EXOC6B: variants seen among roughly 807,000 people sequenced by gnomAD.
EXOC6B encodes SEC15 homolog B.
EXOC6B carries 54 observed loss-of-function variants against 113.5 expected under a neutral mutation model. That is an observed-to-expected ratio of 0.48 (90% CI 0.38 to 0.60). The LOEUF is 0.60. EXOC6B is among the 20% of genes least tolerant of loss of function. The pLI, the probability that EXOC6B is intolerant of heterozygous loss-of-function variation, is 0.00. For synonymous variants in EXOC6B, 357 were observed against 339.0 expected (o/e 1.05, Z -0.58); for missense variants, 797 against 977.5 (o/e 0.82, Z 2.46).
At chr2:72,687,897 G>A (rs1454986489) in intron 6 of EXOC6B, among the ~76,000 whole-genome samples, 1 of 152,174 alleles carries the variant, frequency 6.6e-6, no homozygotes, top group East Asian at 1.9e-4. Flanking sequence ...CTTACATAGT[G>A]CATGCTGATA....
intron 18 of EXOC6B, among the ~76,000 whole-genome samples, chr2:72,458,977 G>A (rs933056140): frequency 1.3e-5 from 2 of 151,980 alleles, no homozygotes; most frequent in Non-Finnish European, 2.9e-5. Flanking sequence ...CATACCCCCA[G>A]CATTATAAAA....
chr2:72,799,121 T>C, intron 1 of EXOC6B, among the ~76,000 whole-genome samples: 1 of 150,516 alleles, frequency 6.6e-6, no homozygotes, highest in East Asian at 2.0e-4. Context: ...GCTCCTGTTG[T>C]CCCAGCTACT....
intron 8 of EXOC6B, among the ~76,000 whole-genome samples, chr2:72,525,277 C>A (rs1701700612): frequency 6.6e-6 from 1 of 152,138 alleles, no homozygotes; most frequent in Admixed American, 6.5e-5. Flanking sequence ...AACAAAGAGT[C>A]TTTTATTATC....
At chr2:72,380,623 G>A (rs1171696924) in intron 18 of EXOC6B, among the ~76,000 whole-genome samples, 1 of 151,854 alleles carries the variant, frequency 6.6e-6, no homozygotes, top group East Asian at 1.9e-4. Context: ...GACAGAGAGA[G>A]ACTCCGCCTC....
chr2:72,797,393 G>A (rs773609502), intron 1 of EXOC6B, among the ~76,000 whole-genome samples: 28 of 152,094 alleles, frequency 1.8e-4, no homozygotes, highest in Non-Finnish European at 3.5e-4. Flanking sequence ...TGGGAAAAGA[G>A]ATAATAAAAA....
intron 8 of EXOC6B, among the ~76,000 whole-genome samples, chr2:72,535,348 G>A (rs1702223625): frequency 6.6e-6 from 1 of 152,092 alleles, no homozygotes; most frequent in African/African-American, 2.4e-5. Context: ...TGTTGTTGTT[G>A]TTTTTGTTGT....
intron 20 of EXOC6B, among the ~76,000 whole-genome samples, chr2:72,208,136 G>A (rs1485773578): frequency 2.0e-5 from 3 of 152,022 alleles, no homozygotes; most frequent in South Asian, 4.2e-4. Context: ...GATTTGTTAC[G>A]TGGGTATATT....
At chr2:72,293,873 TA>T (rs1685961436) in intron 20 of EXOC6B, among the ~76,000 whole-genome samples, 1 of 151,792 alleles carries the variant, frequency 6.6e-6, no homozygotes, top group East Asian at 1.9e-4. Flanking sequence ...TTATGATGAG[TA>T]ATCAGGAAAA....
intron 6 of EXOC6B, among the ~76,000 whole-genome samples, chr2:72,692,246 G>A (rs1438506651): frequency 6.6e-6 from 1 of 151,128 alleles, no homozygotes; most frequent in Non-Finnish European, 1.5e-5. Context: ...TTACTGATAT[G>A]ATTACTATAT....
intron 20 of EXOC6B, among the ~76,000 whole-genome samples, chr2:72,303,752 A>C (rs1297829379): frequency 2.0e-5 from 3 of 152,198 alleles, no homozygotes; most frequent in Non-Finnish European, 1.5e-5. Context: ...GAAGGACATA[A>C]GACATTCTGG....
At chr2:72,362,277 T>C (rs984526589) in intron 19 of EXOC6B, among the ~76,000 whole-genome samples, 1 of 152,194 alleles carries the variant, frequency 6.6e-6, no homozygotes. Context: ...GATGCAATTG[T>C]TGCTACATTT....
intron 1 of EXOC6B, among the ~76,000 whole-genome samples, chr2:72,795,435 G>C (rs1684887692): frequency 6.6e-6 from 1 of 152,058 alleles, no homozygotes; most frequent in Non-Finnish European, 1.5e-5. Flanking sequence ...AATTAGCCGG[G>C]CGTTGTGACG....
intron 20 of EXOC6B, among the ~76,000 whole-genome samples, chr2:72,206,453 C>G (rs1258070143): frequency 6.6e-6 from 1 of 152,200 alleles, no homozygotes; most frequent in Non-Finnish European, 1.5e-5. Flanking sequence ...TTAGATTTAT[C>G]CCTTCTCTGA....
At chr2:72,753,094 A>G (rs867483602) in intron 1 of EXOC6B, among the ~76,000 whole-genome samples, 1 of 152,106 alleles carries the variant, frequency 6.6e-6, no homozygotes, top group African/African-American at 2.4e-5. Flanking sequence ...ACTCAAAGAC[A>G]TCGCAAACCG....
chr2:72,464,864 T>A, intron 18 of EXOC6B: 1 of 361,752 alleles, frequency 2.8e-6, no homozygotes, highest in Non-Finnish European at 4.9e-6. Context: ...CTAAGTTTCT[T>A]TTTTTAATTC....
intron 20 of EXOC6B, among the ~76,000 whole-genome samples, chr2:72,186,771 A>C (rs1678459772): frequency 6.6e-6 from 1 of 152,224 alleles, no homozygotes; most frequent in Non-Finnish European, 1.5e-5. Flanking sequence ...TTTATTGCTA[A>C]TACTACCATG....
At chr2:72,671,226 A>T (rs192605059) in intron 6 of EXOC6B, among the ~76,000 whole-genome samples, 61 of 152,364 alleles carry the variant, frequency 4.0e-4, no homozygotes, top group Non-Finnish European at 6.0e-4. Flanking sequence ...GTGAAGAGAC[A>T]ACCAAAGAAT....
rs551166851 is a variant in EXOC6B, at chr2:72,297,317, T to C, written c.2196+37630A>G. On this transcript the variant is annotated intron_variant, in intron 20 of 21. Transcript: ENST00000272427. ...GTCACTCAGGTACTAAGCCCAAAAC[T>C]CAATAGTTGTTTTTTTCCTGTTCCT... 4.1e-4 allele frequency among the ~76,000 whole-genome samples: 62 copies of C among 152,218 alleles called. 1 individual carries two copies. The highest frequency in any genetic ancestry group is 3.4e-3 in the Middle Eastern group (1 of 294).
chr2:72,288,187 G>A (rs1685561514), intron 20 of EXOC6B, among the ~76,000 whole-genome samples: 1 of 152,106 alleles, frequency 6.6e-6, no homozygotes, highest in African/African-American at 2.4e-5. Flanking sequence ...AATACCATGT[G>A]TTTTGGGGAT....
Sources: allele counts gnomAD v4.1 joint callset (sites outside exome capture counted in the v4.1 genomes callset), GRCh38; gene constraint gnomAD v4.1.1; transcripts MANE v1.5; gene names NCBI Gene and HGNC (gene_info 2026-07-23, HGNC 2026-07-21).